The following PTPN23 variants were observed in gnomAD, a reference collection of about 807,000 sequenced individuals.
PTPN23 encodes protein tyrosine phosphatase non-receptor type 23, also known as tyrosine-protein phosphatase non-receptor type 23.
PTPN23 carries 72 observed loss-of-function variants against 156.3 expected under a neutral mutation model. The ratio of observed to expected loss-of-function variants is 0.46; its 90% CI spans 0.38 to 0.56. The LOEUF is 0.56. Ranked by LOEUF, PTPN23 falls within the 20% of genes least tolerant of loss-of-function variation. The pLI is 0.00. For synonymous variants in PTPN23, 957 were observed against 899.6 expected, an observed-to-expected ratio of 1.06 and a Z score of -1.14; for missense variants, 1,974 against 2,171.5, an observed-to-expected ratio of 0.91 and a Z score of 1.81.
chr3:47,405,390 G>A lies in PTPN23; in HGVS notation c.364+309G>A. On this transcript the variant is annotated intron_variant, in intron 4 of 24. Transcript: ENST00000265562. This position sits in a 1 kb window ranked among gnomAD's most constrained non-coding sequence, Gnocchi z 4.7. ...CCCCTCCCCACTGTGGTTTTGGGCT[G>A]CTTCAGGCAGGAGGAGAGTGTGGCT... The A allele has an allele frequency of 1.9e-6, 1 of 533,340 alleles. No homozygotes were observed. The highest frequency in any genetic ancestry group is 3.4e-6 in the Non-Finnish European group (1 of 296,378). 33.0% of individuals were successfully genotyped at this position (533,340 alleles called of 1,614,324 possible). A position where few individuals can be genotyped will look rare whatever the true frequency, so the allele number is the denominator to read the frequency against.
In PTPN23 at chr3:47,407,819, G is replaced by C; in HGVS notation, c.1118+8G>C. ...GGCCTCGTCACTGTACAGGTGGGTGGAGGGTGGCACAGAGGGAGGTGGGGT... is the reference window on the plus strand; with the variant it reads ...GGCCTCGTCACTGTACAGGTGGGTGCAGGGTGGCACAGAGGGAGGTGGGGT... On this transcript the variant is annotated splice_region_variant and intron_variant, in intron 13 of 24. Transcript: ENST00000265562. This position sits in a 1 kb window ranked among gnomAD's most constrained non-coding sequence, Gnocchi z 4.0. 3.7e-6 allele frequency: 6 copies of C among 1,614,124 alleles called. No homozygotes were observed. Among genetic ancestry groups the C allele is most frequent in the Non-Finnish European group, 5.1e-6 (6 of 1,179,978 alleles).
chr3:47,381,028 G>C lies in PTPN23; in HGVS notation c.-69G>C. 6.5e-7 allele frequency: 1 copy of C among 1,547,910 alleles called. No homozygotes were observed. Among genetic ancestry groups the C allele is most frequent in the Non-Finnish European group, 8.7e-7 (1 of 1,145,628 alleles). On this transcript the variant is annotated 5_prime_UTR_variant, in exon 1 of 25. Coordinates refer to ENST00000265562, the MANE Select transcript of PTPN23 (RefSeq NM_015466.4). ...CTTCCGGCACGAAGGGGCGGGGCTG[G>C]GCTCGTGGCTGAGCCAGCAGCTGCA...
intron 2 of PTPN23, among the ~76,000 whole-genome samples, chr3:47,396,554 G>C (rs1470766742): frequency 1.3e-5 from 2 of 152,182 alleles, no homozygotes; most frequent in African/African-American, 2.4e-5. Flanking sequence ...CAGCCTGGGT[G>C]ATAGAGCGAG....
chr3:47,400,574 ATTAT>A (rs1704973196), intron 2 of PTPN23, among the ~76,000 whole-genome samples: 1 of 152,150 alleles, frequency 6.6e-6, no homozygotes, highest in African/African-American at 2.4e-5. Context: ...ATTTTATTTT[ATTAT>A]TTATTTATTT....
chr3:47,406,708 C>A lies in PTPN23; in HGVS notation c.765C>A (p.His255Gln). 1 of 1,613,968 alleles carries A rather than the reference C, an allele frequency of 6.2e-7. No individual in the cohort carries two copies. The highest frequency in any genetic ancestry group is 8.5e-7 in the Non-Finnish European group (1 of 1,179,978). ...IYYFAAVAHL[H>Q]MGKQAEEQQK... ...CGTCTCTTCTTCTTTCCCAGCTGCA[C>A]ATGGGAAAGCAGGCCGAGGAGCAGC... The change falls in exon 9 of 25, where the codon CAC (histidine) becomes CAA (glutamine). Residue 255 changes from histidine to glutamine, a missense_variant. Around this residue, in one of 4 missense-constraint regions of PTPN23, gnomAD observed 726 missense variants for 929.5 expected, o/e 0.78. Transcript: ENST00000265562. This position sits in a 1 kb window ranked among gnomAD's most constrained non-coding sequence, Gnocchi z 5.8.
In PTPN23 at chr3:47,407,059, G is replaced by C; in HGVS notation, c.808-71G>C. On this transcript the variant is annotated intron_variant, in intron 9 of 24. Transcript: ENST00000265562. The surrounding 1 kb of genome is among the most constrained non-coding windows in gnomAD (Gnocchi z 4.0). Reference sequence around the variant, plus strand: ...TGTCATCTGATGGACAGGCAGGGCCGGGTGGGAGGCAGGAGGAGAAAGGGT... The same window carrying C: ...TGTCATCTGATGGACAGGCAGGGCCCGGTGGGAGGCAGGAGGAGAAAGGGT... 6.3e-7 allele frequency: 1 copy of C among 1,592,220 alleles called. No individual in the cohort carries two copies. The highest frequency in any genetic ancestry group is 8.6e-7 in the Non-Finnish European group (1 of 1,162,274).
intron 1 of PTPN23, among the ~76,000 whole-genome samples, chr3:47,384,078 T>C (rs1704604492): frequency 6.6e-6 from 1 of 151,694 alleles, no homozygotes; most frequent in South Asian, 2.1e-4. Context: ...AGTACTATGC[T>C]GAACCTTGAT....
In PTPN23 at chr3:47,409,896, C is replaced by T. The variant is rs377544499; in HGVS notation, c.2130-32C>T. 296 of 1,575,434 alleles carry T rather than the reference C, an allele frequency of 1.9e-4. 1 individual carries two copies. The highest frequency in any genetic ancestry group is 2.4e-4 in the Non-Finnish European group (275 of 1,161,022). ...CCAGACAGGCTGGGGTGATGGGAGC[C>T]TGGCCCCACTTTTTCCTTGCCTGTC... is the stretch of plus-strand genomic sequence containing the variant. On this transcript the variant is annotated intron_variant, in intron 19 of 24. Transcript: ENST00000265562.
rs147400377 is a variant in PTPN23 at position 47,411,282 on chromosome 3, C to A, written c.3484C>A (p.Arg1162=). Residue 1162 remains arginine (R), a synonymous_variant, in exon 20 of 25, where the codon CGG becomes AGG. Coordinates refer to ENST00000265562, the MANE Select transcript of PTPN23 (RefSeq NM_015466.4). This position sits in a 1 kb window ranked among gnomAD's most constrained non-coding sequence, Gnocchi z 6.3. Reference sequence around the variant, plus strand: ...GCCGCAGGCCCTGCGGCTGATTGAGCGGGACCCCTATGAGCATCCTGAGAG... The same window carrying A: ...GCCGCAGGCCCTGCGGCTGATTGAGAGGGACCCCTATGAGCATCCTGAGAG... ...RRPQALRLIE[R]DPYEHPERLR... The A allele has an allele frequency of 6.2e-7, 1 of 1,611,428 alleles. No individual in the cohort carries two copies. Among genetic ancestry groups the A allele is most frequent in the Non-Finnish European group, 8.5e-7 (1 of 1,179,962 alleles).
rs374108905 is a variant in PTPN23 at position 47,410,068 on chromosome 3, G to A, written c.2270G>A (p.Arg757Gln). The A allele has an allele frequency of 1.6e-5, 25 of 1,611,264 alleles. No homozygotes were observed. The African/African-American group carries it at 1.7e-4, about 11-fold the overall frequency. Residue 757 changes from arginine (R) to glutamine (Q), a missense_variant, in exon 20 of 25, where the codon CGA becomes CAA. Arg to Gln is a conservative substitution (Grantham distance 43). This residue lies in a region of PTPN23 where 731 missense variants were observed against 669.1 expected (regional missense o/e 1.09). Transcript: ENST00000265562. ...CCCCCTGACATGGTGGCTGGCCCAC[G>A]ACTGCCTGACACCTTCCTGGGAAGT... ...SLPPDMVAGP[R>Q]LPDTFLGSAT...
chr3:47,405,843 G>T lies in PTPN23; in HGVS notation c.414+45G>T, dbSNP rs200827967. 104 of 1,591,388 alleles carry T rather than the reference G, an allele frequency of 6.5e-5. No individual in the cohort carries two copies. The African/African-American group carries it at 8.2e-4, about 13-fold the overall frequency. On this transcript the variant is annotated intron_variant, in intron 5 of 24. Coordinates refer to ENST00000265562, the MANE Select transcript of PTPN23 (RefSeq NM_015466.4). This position sits in a 1 kb window ranked among gnomAD's most constrained non-coding sequence, Gnocchi z 4.7. ...TGGAACATGTGGACATACCAGGGAG[G>T]GGCAGCCTCCCAAGTATGGATGAAT...
At chr3:47,384,889 A>C (rs1198247285) in intron 1 of PTPN23, among the ~76,000 whole-genome samples, 1 of 152,010 alleles carries the variant, frequency 6.6e-6, no homozygotes, top group Non-Finnish European at 1.5e-5. Flanking sequence ...CAGCCTCCCA[A>C]GTAGCTAGGA....
At chr3:47,412,221 TCTC>T (rs1705322569) in intron 22 of PTPN23, 23 bp downstream of exon 22, 3 of 1,613,126 alleles carry the variant, frequency 1.9e-6, no homozygotes, top group Admixed American at 1.7e-5. Flanking sequence ...CCTGAGGGTC[TCTC>T]CTCTATGGGC....
In PTPN23 at chr3:47,411,065, C is replaced by T. The variant is rs1462048663; in HGVS notation, c.3267C>T (p.Ala1089=). Residue 1089 remains alanine (A), a synonymous_variant, in exon 20 of 25, where the codon GCC becomes GCT. Transcript: ENST00000265562. The surrounding 1 kb of genome is among the most constrained non-coding windows in gnomAD (Gnocchi z 6.3). ...TPSPHLVPSP[A]PSPGPGPVPP... ...GTCCCCACCTGGTGCCTTCACCTGC[C>T]CCATCTCCAGGGCCTGGTCCGGTAC... 16 of 1,586,054 alleles carry T rather than the reference C, an allele frequency of 1.0e-5. No homozygotes were observed. The highest frequency in any genetic ancestry group is 1.3e-5 in the African/African-American group (1 of 74,560).
In PTPN23 at chr3:47,411,090, C is replaced by A; in HGVS notation, c.3292C>A (p.Pro1098Thr). 6.3e-7 allele frequency: 1 copy of A among 1,589,764 alleles called. No individual in the cohort carries two copies. The highest frequency in any genetic ancestry group is 8.6e-7 in the Non-Finnish European group (1 of 1,169,120). The change falls in exon 20 of 25, where the codon CCC (proline) becomes ACC (threonine). Residue 1098 changes from proline to threonine, a missense_variant. Pro to Thr is a conservative substitution (Grantham distance 38). Coordinates refer to ENST00000265562, the MANE Select transcript of PTPN23 (RefSeq NM_015466.4). This position sits in a 1 kb window ranked among gnomAD's most constrained non-coding sequence, Gnocchi z 6.3. Reference protein sequence around the residue: ...PAPSPGPGPVPPRPPAAEPPP... With the variant: ...PAPSPGPGPVTPRPPAAEPPP... ...CCCATCTCCAGGGCCTGGTCCGGTA[C>A]CCCCTCGCCCCCCAGCAGCAGAACC...
chr3:47,406,740 T>A lies in PTPN23; in HGVS notation c.797T>A (p.Phe266Tyr), dbSNP rs771037380. Reference protein sequence around the residue: ...MGKQAEEQQKFGERVAYFQSA... With the variant: ...MGKQAEEQQKYGERVAYFQSA... ...AAGCAGGCCGAGGAGCAGCAGAAGTTCGGGGAGCGGGTGAGCTACAGCGAG... is the reference window on the plus strand; with the variant it reads ...AAGCAGGCCGAGGAGCAGCAGAAGTACGGGGAGCGGGTGAGCTACAGCGAG... Residue 266 changes from phenylalanine (F) to tyrosine (Y), a missense_variant, in exon 9 of 25, where the codon TTC (phenylalanine) becomes TAC (tyrosine). Around this residue, in one of 4 missense-constraint regions of PTPN23, gnomAD observed 726 missense variants for 929.5 expected, o/e 0.78. Transcript: ENST00000265562. This position sits in a 1 kb window ranked among gnomAD's most constrained non-coding sequence, Gnocchi z 5.8. 6.2e-7 allele frequency: 1 copy of A among 1,613,658 alleles called. No individual in the cohort carries two copies. The highest frequency in any genetic ancestry group is 8.5e-7 in the Non-Finnish European group (1 of 1,179,922).
rs1249369391 is a variant in PTPN23 at position 47,381,278 on chromosome 3, G to A, written c.84+98G>A. The A allele has an allele frequency of 6.7e-6, 10 of 1,488,662 alleles. No individual in the cohort carries two copies. The East Asian group carries it at 7.5e-5, about 11-fold the overall frequency. The allele number at this position is 1,488,662 out of a possible 1,614,324, so 92.2% of individuals were successfully genotyped here. ...GCGCGCCCATCACCTCCTCAGGCCC[G>A]GTCGCAGGGTCCGGTGAGGCCAGGA... On this transcript the variant is annotated intron_variant, in intron 1 of 24. Coordinates refer to ENST00000265562, the MANE Select transcript of PTPN23 (RefSeq NM_015466.4).
chr3:47,406,207 A>C lies in PTPN23; in HGVS notation c.547-118A>C, dbSNP rs1705119239. ...CCGTGGTGCTGCTTGGAGTGGGGGCAGCTGGGGGAGAGGGCAGTGAAGAGG... is the reference window on the plus strand; with the variant it reads ...CCGTGGTGCTGCTTGGAGTGGGGGCCGCTGGGGGAGAGGGCAGTGAAGAGG... On this transcript the variant is annotated intron_variant, in intron 6 of 24. Coordinates refer to ENST00000265562, the MANE Select transcript of PTPN23 (RefSeq NM_015466.4). This position sits in a 1 kb window ranked among gnomAD's most constrained non-coding sequence, Gnocchi z 5.8. 8 of 1,465,502 alleles carry C rather than the reference A, an allele frequency of 5.5e-6. No individual in the cohort carries two copies. The highest frequency in any genetic ancestry group is 7.5e-6 in the Non-Finnish European group (8 of 1,071,524). The allele number at this position is 1,465,502 out of a possible 1,614,324, so 90.8% of individuals were successfully genotyped here. A position where few individuals can be genotyped will look rare whatever the true frequency, so the allele number is the denominator to read the frequency against.
At chr3:47,409,871 C>T in intron 19 of PTPN23, 37 bp downstream of exon 19, 6 of 1,596,148 alleles carry the variant, frequency 3.8e-6, no homozygotes, top group Non-Finnish European at 5.1e-6. Flanking sequence ...CGGCTCGGGT[C>T]CAGACAGGCT....
Sources: allele counts gnomAD v4.1 joint callset (sites outside exome capture counted in the v4.1 genomes callset), GRCh38; gene constraint gnomAD v4.1.1; regional missense constraint gnomAD v4.1.1; non-coding constraint Gnocchi (gnomAD v3.1); transcripts MANE v1.5; gene names NCBI Gene and HGNC (gene_info 2026-07-23, HGNC 2026-07-21).